The following PDE4D variants were observed in gnomAD, a reference collection of about 807,000 sequenced individuals.
The protein encoded by PDE4D is phosphodiesterase 4D, also known as 3',5'-cyclic-AMP phosphodiesterase 4D.
PDE4D carries 24 observed loss-of-function variants against 87.4 expected under a neutral mutation model. The observed-to-expected ratio is 0.27, with a 90% confidence interval of 0.20 to 0.39. PDE4D has a LOEUF of 0.39. Among genes scored for constraint, PDE4D ranks in the 10% least tolerant of loss-of-function variants. The probability of loss-of-function intolerance (pLI) is 1.00; values close to 1 mark genes in which losing one functional copy is unlikely to be tolerated. For missense variants in PDE4D, 714 were observed against 1,041.0 expected (o/e 0.69, Z 4.32); for synonymous variants, 384 against 383.2 (o/e 1.00, Z -0.02).
intron 2 of PDE4D, among the ~76,000 whole-genome samples, chr5:60,022,369 G>A (rs1021394197): frequency 4.6e-5 from 7 of 152,142 alleles, no homozygotes; most frequent in Non-Finnish European, 7.4e-5. Flanking sequence ...GAGTATTCCT[G>A]TAGAAGAAAT....
intron 1 of PDE4D, among the ~76,000 whole-genome samples, chr5:60,355,612 TG>T (rs1334509022): frequency 1.3e-5 from 2 of 152,130 alleles, no homozygotes; most frequent in African/African-American, 4.8e-5. Flanking sequence ...GTATAACTTT[TG>T]ACTCCCAAAA....
intron 1 of PDE4D, among the ~76,000 whole-genome samples, chr5:59,329,947 C>T (rs1375354367): frequency 6.6e-6 from 1 of 152,018 alleles, no homozygotes; most frequent in Admixed American, 6.6e-5. Context: ...TATAATTGTG[C>T]AAAGTCAAAA....
Position 59,771,478 on chromosome 5 carries a change from A to AGAGAGAGAGAG in PDE4D, c.455+121689_455+121690insCTCTCTCTCTC, listed in dbSNP as rs879905597. Among the ~76,000 whole-genome samples the AGAGAGAGAGAG allele has an allele frequency of 1.6e-3, 165 of 102,610 alleles. 1 individual carries two copies. The highest frequency in any genetic ancestry group is 1.8e-3 in the Non-Finnish European group (89 of 49,600). The allele number at this position is 102,610 out of a possible 152,430, so 67.3% of individuals were successfully genotyped here. On this transcript the variant is annotated intron_variant, in intron 1 of 14. Transcript: ENST00000340635. The stretch of plus-strand genomic sequence containing the variant: ...GAAAGAAAGAAAGAAAGAAAGAAAG[A>AGAGAGAGAGAG]AAGAAAGAGAGAGAGAGAGAGAAGA...
At chr5:59,960,403 T>C (rs1759332589) in intron 3 of PDE4D, among the ~76,000 whole-genome samples, 5 of 152,156 alleles carry the variant, frequency 3.3e-5, no homozygotes, top group Admixed American at 3.3e-4. Flanking sequence ...TGCACTTGTA[T>C]GTATGTTTAT....
intron 1 of PDE4D, among the ~76,000 whole-genome samples, chr5:59,334,247 GTTTTTTTTTTTTTTTT>G (rs564248041): frequency 3.0e-5 from 3 of 98,610 alleles, no homozygotes; most frequent in Admixed American, 1.1e-4. Context: ...ATCCAGTGGA[GTTTTTTTTTTTTTTTT>G]TTTTTTTTTT....
At chr5:59,812,448 G>A (rs1411533688) in intron 1 of PDE4D, among the ~76,000 whole-genome samples, 3 of 152,128 alleles carry the variant, frequency 2.0e-5, no homozygotes, top group African/African-American at 4.8e-5. Flanking sequence ...CGAGGCAGAC[G>A]GATCACCTGA....
chr5:59,789,448 C>T (rs751729174), intron 1 of PDE4D, among the ~76,000 whole-genome samples: 2 of 152,164 alleles, frequency 1.3e-5, no homozygotes, highest in African/African-American at 2.4e-5. Flanking sequence ...AAGTGATGAG[C>T]CTGCGTGATG....
chr5:60,026,732 T>A (rs926693734), intron 2 of PDE4D, among the ~76,000 whole-genome samples: 10 of 152,184 alleles, frequency 6.6e-5, no homozygotes, highest in African/African-American at 2.2e-4. Flanking sequence ...AGAGGAATCA[T>A]TTACAAACTT....
Position 59,740,547 on chromosome 5 carries a change from C to G in PDE4D, c.455+152621G>C, listed in dbSNP as rs191517717. ...AGTTTGCTTTTCTTGTACCATCACT[C>G]AATTTTTTGAATTAAAGATTTTATA... On this transcript the variant is annotated intron_variant, in intron 1 of 14. Transcript: ENST00000340635. Among the ~76,000 whole-genome samples, 42 of 152,224 alleles carry G rather than the reference C, an allele frequency of 2.8e-4. No individual in the cohort carries two copies. In the South Asian group the frequency reaches 5.4e-3, roughly 20 times the overall value.
At chr5:59,401,449 T>C (rs542964037) in intron 1 of PDE4D, among the ~76,000 whole-genome samples, 1 of 126,750 alleles carries the variant, frequency 7.9e-6, no homozygotes. Context: ...AGAGACTATC[T>C]ATCTATCTAT....
intron 1 of PDE4D, among the ~76,000 whole-genome samples, chr5:59,563,195 G>A (rs879324936): frequency 6.6e-6 from 1 of 152,198 alleles, no homozygotes; most frequent in Non-Finnish European, 1.5e-5. Flanking sequence ...GATGATCTCA[G>A]CAGGCCTGAG....
At chr5:59,403,014 G>GT (rs1790943034) in intron 1 of PDE4D, among the ~76,000 whole-genome samples, 1 of 151,958 alleles carries the variant, frequency 6.6e-6, no homozygotes, top group Non-Finnish European at 1.5e-5. Flanking sequence ...ACAACTTTTT[G>GT]TTTTTTCTGG....
intron 5 of PDE4D, among the ~76,000 whole-genome samples, chr5:59,154,258 G>C (rs1378613836): frequency 6.6e-6 from 1 of 152,168 alleles, no homozygotes; most frequent in Non-Finnish European, 1.5e-5. Context: ...ATTTAAGAAA[G>C]TAGTTCTCTA....
intron 6 of PDE4D, among the ~76,000 whole-genome samples, chr5:59,013,511 T>TACATA (rs142355159): frequency 6.0e-5 from 9 of 150,488 alleles, no homozygotes; most frequent in African/African-American, 2.2e-4. Flanking sequence ...CATCAGAGAA[T>TACATA]AACACCTCTA....
chr5:59,822,634 C>T (rs1187510276), intron 1 of PDE4D, among the ~76,000 whole-genome samples: 1 of 152,172 alleles, frequency 6.6e-6, no homozygotes, highest in African/African-American at 2.4e-5. Context: ...CTTTACCACT[C>T]TAATTTGAAG....
intron 5 of PDE4D, among the ~76,000 whole-genome samples, chr5:59,146,757 T>G (rs1160682600): frequency 6.6e-6 from 1 of 152,092 alleles, no homozygotes; most frequent in Non-Finnish European, 1.5e-5. Flanking sequence ...GCCTATTGCT[T>G]TATTTCCTGA....
At chr5:60,440,721 T>C (rs982440284) in intron 1 of PDE4D, among the ~76,000 whole-genome samples, 1 of 152,110 alleles carries the variant, frequency 6.6e-6, no homozygotes, top group African/African-American at 2.4e-5. Flanking sequence ...AGCCCACAAA[T>C]AGCAGACTAA....
chr5:59,835,192 CT>C (rs1286058091), intron 1 of PDE4D, among the ~76,000 whole-genome samples: 2 of 152,008 alleles, frequency 1.3e-5, no homozygotes, highest in African/African-American at 4.8e-5. Context: ...TCTTTCTGAT[CT>C]TTAATTTCCT....
At chr5:60,288,279 G>A (rs1220342353) in intron 1 of PDE4D, among the ~76,000 whole-genome samples, 2 of 152,194 alleles carry the variant, frequency 1.3e-5, no homozygotes, top group Non-Finnish European at 2.9e-5. Flanking sequence ...TACAGGAGGA[G>A]GTTAAATCAT....
Sources: gnomAD v4.1 joint callset for allele counts (sites outside exome capture counted in the v4.1 genomes callset) on GRCh38, gnomAD v4.1.1 for gene constraint, MANE v1.5 for transcripts, NCBI Gene and HGNC (gene_info 2026-07-23, HGNC 2026-07-21) for gene names.